The following RASSF4 variants were observed in gnomAD, a reference collection of about 807,000 sequenced individuals.
The protein encoded by RASSF4 is Ras association domain family member 4.
A neutral mutation model predicts 41.1 loss-of-function variants in RASSF4; 38 were observed. That is an observed-to-expected ratio of 0.92 (90% CI 0.71 to 1.21). The LOEUF is 1.21. RASSF4 is among the 50% of genes most tolerant of loss of function. The pLI is 0.00. For missense variants in RASSF4, 414 were observed against 419.4 expected (o/e 0.99, Z 0.11); for synonymous variants, 179 against 163.4 (o/e 1.10, Z -0.73).
At chr10:44,986,316 T>C (rs868633568) in intron 6 of RASSF4, among the ~76,000 whole-genome samples, 17 of 152,196 alleles carry the variant, frequency 1.1e-4, no homozygotes, top group African/African-American at 3.4e-4. Context: ...TAAACCTTAT[T>C]GTAGTGATTG....
chr10:44,990,879 T>G, intron 8 of RASSF4, 69 bp from the exon 9 acceptor site: 1 of 1,541,802 alleles, frequency 6.5e-7, no homozygotes, highest in East Asian at 2.3e-5. Context: ...TTTCTATCAG[T>G]TCCTAATCTG....
intron 1 of RASSF4, among the ~76,000 whole-genome samples, chr10:44,966,078 A>T (rs923031882): frequency 6.6e-6 from 1 of 152,210 alleles, no homozygotes; most frequent in Non-Finnish European, 1.5e-5. Context: ...TCTGTTTTGC[A>T]TACATTTTCT....
intron 1 of RASSF4, among the ~76,000 whole-genome samples, chr10:44,967,726 G>A (rs1840960624): frequency 6.6e-6 from 1 of 152,194 alleles, no homozygotes. Flanking sequence ...GATGTGCCAG[G>A]CTTATGCTTG....
Position 44,982,683 on chromosome 10 carries a change from T to A in RASSF4, c.281+20T>A. 1 of 1,609,468 alleles carries A rather than the reference T, an allele frequency of 6.2e-7. No homozygotes were observed. The highest frequency in any genetic ancestry group is 8.5e-7 in the Non-Finnish European group (1 of 1,178,464). ...CCCTCTGTGAGTACCCGGTGGCTTC[T>A]GTGACACCTGCTCAGCCTGAGCTCC... On this transcript the variant is annotated intron_variant, in intron 4 of 10. Transcript: ENST00000340258.
At chr10:44,989,558 T>C in intron 7 of RASSF4, 112 bp from the exon 8 acceptor site, 1 of 1,065,604 alleles carries the variant, frequency 9.4e-7, no homozygotes, top group African/African-American at 1.6e-5. Flanking sequence ...GAGGACAGGT[T>C]CCTTGCAACT....
intron 7 of RASSF4, 109 bp downstream of exon 7, chr10:44,989,484 G>T: frequency 1.1e-6 from 1 of 940,140 alleles, no homozygotes; most frequent in Non-Finnish European, 1.7e-6. Context: ...CTGGGCAGAA[G>T]GTCTAGCAAG....
At chr10:44,977,530 C>A in intron 3 of RASSF4, 1 of 1,613,490 alleles carries the variant, frequency 6.2e-7, no homozygotes, top group Non-Finnish European at 8.5e-7. Context: ...GCTGCCCATC[C>A]TGCGGTGGTC....
intron 7 of RASSF4, 100 bp from the exon 8 acceptor site, chr10:44,989,570 G>A: frequency 8.8e-7 from 1 of 1,131,044 alleles, no homozygotes; most frequent in Non-Finnish European, 1.4e-6. Context: ...CTTGCAACTT[G>A]CGTGTGTGTT....
intron 8 of RASSF4, 31 bp from the exon 9 acceptor site, chr10:44,990,917 C>A (rs201268869): frequency 1.2e-6 from 2 of 1,604,658 alleles, no homozygotes; most frequent in South Asian, 1.1e-5. Context: ...CCTAATCTCC[C>A]GTGATTTTTG....
At chr10:44,970,087 G>A (rs79242999) in intron 1 of RASSF4, 78 bp from the exon 2 acceptor site, 31,826 of 831,932 alleles carry the variant, frequency 0.038, 783 homozygotes, top group Non-Finnish European at 0.046. Context: ...GTCTGTGCCA[G>A]GGCTGCGGGT....
At position 44,968,625 on chromosome 10, in the gene RASSF4, G is replaced by T. The variant is rs3814567; in HGVS notation, c.-38-1540G>T. On this transcript the variant is annotated intron_variant, in intron 1 of 10. Coordinates refer to ENST00000340258, the MANE Select transcript of RASSF4 (RefSeq NM_032023.4). ...GTCACATTTGTGGGTGTCAAGCAAG[G>T]GGGGAGAGAGCAAACTGGACTGGTC... Among the ~76,000 whole-genome samples, 940 of 152,316 alleles carry T rather than the reference G, an allele frequency of 6.2e-3. 8 individuals carry two copies. Among genetic ancestry groups the T allele is most frequent in the Non-Finnish European group, 9.9e-3 (676 of 68,026 alleles).
intron 1 of RASSF4, among the ~76,000 whole-genome samples, chr10:44,968,982 G>A (rs1349146465): frequency 1.3e-5 from 2 of 151,756 alleles, no homozygotes; most frequent in East Asian, 3.9e-4. Flanking sequence ...GTGTCTGTGA[G>A]ATTGTGAGTG....
intron 4 of RASSF4, 183 bp from the exon 5 acceptor site, chr10:44,983,839 G>A: frequency 2.0e-6 from 2 of 1,021,072 alleles, no homozygotes; most frequent in Non-Finnish European, 2.8e-6. Context: ...GATGCTGGGG[G>A]GAGGCCTCTA....
chr10:44,984,971 G>T lies in RASSF4; in HGVS notation c.531+1G>T, dbSNP rs1159590358. On this transcript the variant is annotated splice_donor_variant, in intron 6 of 10. Coordinates refer to ENST00000340258, the MANE Select transcript of RASSF4 (RefSeq NM_032023.4). LOFTEE classifies it high-confidence loss of function. ...CAACGGCCACTTCTACAATCATAAG[G>T]TGATGCCCCAGCCTGGCCTCTCCCC... The T allele has an allele frequency of 6.2e-7, 1 of 1,609,296 alleles. No individual in the cohort carries two copies. Among genetic ancestry groups the T allele is most frequent in the Admixed American group, 1.7e-5 (1 of 60,012 alleles).
chr10:44,984,883 G>C lies in RASSF4; in HGVS notation c.444G>C (p.Gln148His), dbSNP rs1564464639. 6.2e-7 allele frequency: 1 copy of C among 1,613,666 alleles called. No homozygotes were observed. Among genetic ancestry groups the C allele is most frequent in the Non-Finnish European group, 8.5e-7 (1 of 1,180,026 alleles). ...RTKSDASCMS[Q>H]RRPKCRAPGE... ...AGAGCGACGCCAGTTGCATGAGCCA[G>C]AGGAGGCCCAAGTGCCGCGCCCCCG... Residue 148 changes from glutamine to histidine, a missense_variant, in exon 6 of 11, where the codon CAG becomes CAC. Physicochemically the swap from Gln to His is conservative, Grantham distance 24. Coordinates refer to ENST00000340258, the MANE Select transcript of RASSF4 (RefSeq NM_032023.4).
intron 1 of RASSF4, among the ~76,000 whole-genome samples, chr10:44,967,988 A>AG (rs1840973330): frequency 6.6e-6 from 1 of 152,194 alleles, no homozygotes; most frequent in Non-Finnish European, 1.5e-5. Flanking sequence ...AAAAGCCCTA[A>AG]GGGAAAAAAA....
At chr10:44,990,692 G>A (rs1842076426) in intron 8 of RASSF4, 1 of 333,268 alleles carries the variant, frequency 3.0e-6, no homozygotes, top group African/African-American at 2.1e-5. Flanking sequence ...GGAGGGCAAA[G>A]AGCCTCACTT....
At chr10:44,991,249 C>T in intron 9 of RASSF4, 180 bp downstream of exon 9, 1 of 476,846 alleles carries the variant, frequency 2.1e-6, no homozygotes, top group South Asian at 6.2e-5. Flanking sequence ...CCATCAGTGA[C>T]CGCCAGCACC....
At chr10:44,991,191 C>T (rs1211831344) in intron 9 of RASSF4, 122 bp downstream of exon 9, 1 of 910,196 alleles carries the variant, frequency 1.1e-6, no homozygotes, top group African/African-American at 1.6e-5. Flanking sequence ...TCCACACTCT[C>T]CCAAAGGGCT....
Sources: allele counts gnomAD v4.1 joint callset (sites outside exome capture counted in the v4.1 genomes callset), GRCh38; gene constraint gnomAD v4.1.1; transcripts MANE v1.5; gene names NCBI Gene and HGNC (gene_info 2026-07-23, HGNC 2026-07-21).